The following GNB4 variants were observed in gnomAD, a reference collection of about 807,000 sequenced individuals.
The protein encoded by GNB4 is guanine nucleotide-binding protein subunit beta-4.
GNB4 carries 28 observed loss-of-function variants against 45.2 expected under a neutral mutation model. That is an observed-to-expected ratio of 0.62 (90% CI 0.46 to 0.85). The LOEUF (loss-of-function observed/expected upper bound fraction) is 0.85, where lower values mean the gene tolerates loss of function less well. Ranked by LOEUF, GNB4 falls within the 40% of genes least tolerant of loss-of-function variation. GNB4 has a pLI of 0.00. For missense variants in GNB4, 321 were observed against 425.4 expected (o/e 0.75, Z 2.16); for synonymous variants, 132 against 143.7 (o/e 0.92, Z 0.58).
chr3:179,462,180 G>A, the GNB4 span, among the ~76,000 whole-genome samples: 4 of 152,040 alleles, frequency 2.6e-5, no homozygotes, highest in Non-Finnish European at 5.9e-5. Flanking sequence ...GCACATGTGT[G>A]TGTGTGTGTG....
rs1189336628 is a variant in GNB4, at chr3:179,399,643, T to C, written c.*1570A>G. The stretch of plus-strand genomic sequence containing the variant: ...TGTCAACTGATTTTAATAAAACTGA[T>C]ACATCTTTACAGTTGATGCACATAT... On this transcript the variant is annotated 3_prime_UTR_variant, in exon 10 of 10. Coordinates refer to ENST00000232564, the MANE Select transcript of GNB4 (RefSeq NM_021629.4). The C allele has an allele frequency of 6.6e-6, 1 of 152,234 alleles. No homozygotes were observed. Among genetic ancestry groups the C allele is most frequent in the Non-Finnish European group, 1.5e-5 (1 of 68,046 alleles). The allele number at this position is 152,234 out of a possible 1,614,324, so 9.4% of individuals were successfully genotyped here.
At chr3:179,429,943 T>A (rs565983760) in intron 1 of GNB4, among the ~76,000 whole-genome samples, 2 of 152,150 alleles carry the variant, frequency 1.3e-5, no homozygotes, top group Non-Finnish European at 2.9e-5. Context: ...GACCTTGCCA[T>A]CTATATCATA....
the GNB4 span, among the ~76,000 whole-genome samples, chr3:179,487,211 CAAAG>C: frequency 6.6e-6 from 1 of 152,106 alleles, no homozygotes; most frequent in Admixed American, 6.5e-5. Flanking sequence ...CAGTGTTTAA[CAAAG>C]AAAGGCATAC....
At chr3:179,525,022 TG>T in the GNB4 span, among the ~76,000 whole-genome samples, 1 of 151,932 alleles carries the variant, frequency 6.6e-6, no homozygotes, top group Non-Finnish European at 1.5e-5. Flanking sequence ...AGAGGTCAGA[TG>T]GGTCTGTAGA....
chr3:179,427,455 A>C (rs1715179508), intron 1 of GNB4, among the ~76,000 whole-genome samples: 1 of 152,022 alleles, frequency 6.6e-6, no homozygotes, highest in Admixed American at 6.6e-5. Flanking sequence ...AATTACAAAA[A>C]TTAGCTGGGT....
chr3:179,477,944 T>C, the GNB4 span, among the ~76,000 whole-genome samples: 1 of 152,178 alleles, frequency 6.6e-6, no homozygotes. Flanking sequence ...TTTTCCTTCT[T>C]AGTCTGTTTT....
intron 1 of GNB4, among the ~76,000 whole-genome samples, chr3:179,445,079 G>A (rs986784078): frequency 2.0e-5 from 3 of 151,946 alleles, no homozygotes; most frequent in African/African-American, 7.3e-5. Context: ...GCAATTATTA[G>A]TTCTTTGAGC....
At chr3:179,495,267 G>A in the GNB4 span, among the ~76,000 whole-genome samples, 18 of 152,102 alleles carry the variant, frequency 1.2e-4, no homozygotes, top group Non-Finnish European at 2.1e-4. Flanking sequence ...CCTGAGCTCA[G>A]GAGTTCAGGA....
the GNB4 span, among the ~76,000 whole-genome samples, chr3:179,511,320 T>C: frequency 6.6e-6 from 1 of 152,224 alleles, no homozygotes; most frequent in Non-Finnish European, 1.5e-5. Flanking sequence ...CATCTATTTA[T>C]ATCCAGCATC....
chr3:179,486,157 G>C, the GNB4 span, among the ~76,000 whole-genome samples: 1 of 146,872 alleles, frequency 6.8e-6, no homozygotes, highest in African/African-American at 2.5e-5. Flanking sequence ...GGAGGCAGAG[G>C]TTGCAGTGAG....
At chr3:179,410,754 A>T (rs901335648) in intron 8 of GNB4, among the ~76,000 whole-genome samples, 1 of 152,196 alleles carries the variant, frequency 6.6e-6, no homozygotes, top group African/African-American at 2.4e-5. Flanking sequence ...AGATGGGCAC[A>T]ATTCAACCCA....
chr3:179,413,257 T>TA (rs1714702776), intron 8 of GNB4, among the ~76,000 whole-genome samples, 155 bp downstream of exon 8: 1 of 152,160 alleles, frequency 6.6e-6, no homozygotes, highest in Non-Finnish European at 1.5e-5. Context: ...CTTTCTTTTT[T>TA]AAAAAATCAA....
the GNB4 span, among the ~76,000 whole-genome samples, chr3:179,507,304 G>T: frequency 2.0e-5 from 3 of 151,952 alleles, no homozygotes; most frequent in Non-Finnish European, 4.4e-5. Context: ...AGATTCCGAT[G>T]ATATTATCAC....
At chr3:179,499,269 T>A in the GNB4 span, among the ~76,000 whole-genome samples, 5 of 150,956 alleles carry the variant, frequency 3.3e-5, no homozygotes, top group African/African-American at 1.2e-4. Flanking sequence ...GCCATTCTCC[T>A]GCCTCAGCCT....
the GNB4 span, among the ~76,000 whole-genome samples, chr3:179,477,138 T>C: frequency 1.3e-5 from 2 of 152,316 alleles, no homozygotes; most frequent in East Asian, 1.9e-4. Context: ...TGATCCCTTC[T>C]GTATGTACTA....
intron 8 of GNB4, among the ~76,000 whole-genome samples, chr3:179,412,286 G>A (rs1023929809): frequency 6.7e-6 from 1 of 149,674 alleles, no homozygotes; most frequent in African/African-American, 2.5e-5. Context: ...GGGCAACATA[G>A]TGAGACTCTG....
intron 8 of GNB4, among the ~76,000 whole-genome samples, chr3:179,413,102 CAGG>C (rs1714696377): frequency 6.6e-6 from 1 of 151,902 alleles, no homozygotes; most frequent in African/African-American, 2.4e-5. Context: ...CGCTTGAGCC[CAGG>C]AGGTCGAGGC....
At chr3:179,403,981 ATAGGG>A (rs1461108060) in intron 9 of GNB4, among the ~76,000 whole-genome samples, 1 of 152,120 alleles carries the variant, frequency 6.6e-6, no homozygotes, top group African/African-American at 2.4e-5. Context: ...TCCCTGTTCT[ATAGGG>A]TAATGAGTTT....
At chr3:179,510,224 C>T in the GNB4 span, among the ~76,000 whole-genome samples, 1 of 152,022 alleles carries the variant, frequency 6.6e-6, no homozygotes, top group Admixed American at 6.6e-5. Context: ...CCCAGTTTAC[C>T]ATGGACCCGC....
Sources: gnomAD v4.1 joint callset for allele counts (sites outside exome capture counted in the v4.1 genomes callset) on GRCh38, gnomAD v4.1.1 for gene constraint, MANE v1.5 for transcripts, NCBI Gene and HGNC (gene_info 2026-07-23, HGNC 2026-07-21) for gene names.